SHANK1: variants seen among roughly 807,000 people sequenced by gnomAD.
SHANK1 encodes the protein SH3 and multiple ankyrin repeat domains 1.
A neutral mutation model predicts 165.6 loss-of-function variants in SHANK1; 35 were observed. That is an observed-to-expected ratio of 0.21 (90% CI 0.16 to 0.28). SHANK1 has a LOEUF of 0.28. Among genes scored for constraint, SHANK1 ranks in the 10% least tolerant of loss-of-function variants. The pLI is 1.00. For missense variants in SHANK1, 2,681 were observed against 3,036.4 expected, an observed-to-expected ratio of 0.88 and a Z score of 2.75; for synonymous variants, 1,428 against 1,384.8, an observed-to-expected ratio of 1.03 and a Z score of -0.69.
In SHANK1 at chr19:50,686,980, A is replaced by G. The variant is rs1986363562; in HGVS notation, c.2390-168T>C. 7.1e-7 allele frequency: 1 copy of G among 1,408,504 alleles called. No homozygotes were observed. 87.3% of individuals were successfully genotyped at this position (1,408,504 alleles called of 1,614,324 possible). ...GGGCGAGTCCGCCGGCGGGGTCGGG[A>G]GACGGGGGCCCTCCCGCCAGTCCTG... On this transcript the variant is annotated intron_variant, in intron 19 of 23. Transcript: ENST00000293441. The surrounding 1 kb of genome is among the most constrained non-coding windows in gnomAD (Gnocchi z 5.7).
rs2089034702 is a variant in SHANK1 at position 50,713,603 on chromosome 19, C to A, written c.792+195G>T. On this transcript the variant is annotated intron_variant, in intron 6 of 23. Coordinates refer to ENST00000293441, the MANE Select transcript of SHANK1 (RefSeq NM_016148.5). This position sits in a 1 kb window ranked among gnomAD's most constrained non-coding sequence, Gnocchi z 6.2. ...CGGGTCTGTGTGATGTCAGCTATAG[C>A]CCAGGTGGGTGCATCTGGGGGGCCT... Among the ~76,000 whole-genome samples the A allele has an allele frequency of 6.6e-6, 1 of 151,978 alleles. No homozygotes were observed. The highest frequency in any genetic ancestry group is 1.5e-5 in the Non-Finnish European group (1 of 68,004).
rs147231823 is a variant in SHANK1, at chr19:50,683,124, G to A, written c.2577+3113C>T. Among the ~76,000 whole-genome samples the A allele has an allele frequency of 3.1e-3, 476 of 152,226 alleles. 1 individual carries two copies. Among genetic ancestry groups the A allele is most frequent in the African/African-American group, 0.011 (458 of 41,538 alleles). On this transcript the variant is annotated intron_variant, in intron 21 of 23. Transcript: ENST00000293441. ...TGGGATTATAGGTGTGAGCCCCTGC[G>A]CCCGGCCCTGAAAATCTTTTAACCT...
In SHANK1 at chr19:50,713,883, C is replaced by T; in HGVS notation, c.707G>A (p.Gly236Asp). 2 of 1,613,978 alleles carry T rather than the reference C, an allele frequency of 1.2e-6. No individual in the cohort carries two copies. Among genetic ancestry groups the T allele is most frequent in the Non-Finnish European group, 1.7e-6 (2 of 1,179,974 alleles). ...SVEVIRTLCL[G>D]GAHIDFRARD... ...GGCCCGGAAGTCAATGTGGGCCCCG[C>T]CCAGGCACAGGGTTCGAATCACCTC... Residue 236 changes from glycine to aspartate, a missense_variant, in exon 6 of 24, where the codon GGC (glycine) becomes GAC (aspartate). Gly to Asp is a moderately conservative substitution (Grantham distance 94). Transcript: ENST00000293441. This position sits in a 1 kb window ranked among gnomAD's most constrained non-coding sequence, Gnocchi z 6.2.
rs1460064635 is a variant in SHANK1 at position 50,661,215 on chromosome 19, G to T, written c.*750C>A. 6.6e-6 allele frequency among the ~76,000 whole-genome samples: 1 copy of T among 152,048 alleles called. No homozygotes were observed. Among genetic ancestry groups the T allele is most frequent in the Non-Finnish European group, 1.5e-5 (1 of 68,002 alleles). On this transcript the variant is annotated 3_prime_UTR_variant, in exon 24 of 24. Coordinates refer to ENST00000293441, the MANE Select transcript of SHANK1 (RefSeq NM_016148.5). The stretch of plus-strand genomic sequence containing the variant: ...GGTCCAGAGCGAGCGGGGAGGAGGA[G>T]ATGTGAAATGGAGTGTGTAAAGGAG...
At chr19:50,701,189 A>G (rs1408901702) in intron 12 of SHANK1, among the ~76,000 whole-genome samples, 1 of 127,956 alleles carries the variant, frequency 7.8e-6, no homozygotes, top group African/African-American at 3.0e-5. Flanking sequence ...TAGGAAAATG[A>G]TGGCTTTTTT....
rs764166330 is a variant in SHANK1, at chr19:50,688,072, AC to A, written c.2173-15del. ...CTGCCCGTTCACCTGTGGCACAGACACCCCCAGATCACACAGAGTAGACGAG... is the reference window on the plus strand; with the variant it reads ...CTGCCCGTTCACCTGTGGCACAGACACCCCAGATCACACAGAGTAGACGAG... On this transcript the variant is annotated splice_polypyrimidine_tract_variant and intron_variant, in intron 17 of 23. Coordinates refer to ENST00000293441, the MANE Select transcript of SHANK1 (RefSeq NM_016148.5). This position sits in a 1 kb window ranked among gnomAD's most constrained non-coding sequence, Gnocchi z 6.7. The A allele has an allele frequency of 6.2e-7, 1 of 1,613,062 alleles. No individual in the cohort carries two copies.
Position 50,697,234 on chromosome 19 carries a change from G to C in SHANK1, c.1938-112C>G. On this transcript the variant is annotated intron_variant, in intron 14 of 23. Coordinates refer to ENST00000293441, the MANE Select transcript of SHANK1 (RefSeq NM_016148.5). This position sits in a 1 kb window ranked among gnomAD's most constrained non-coding sequence, Gnocchi z 4.7. ...GCACCCTCCCCACACCGGTGCATGG[G>C]ACACACACATTCCCACTGCACATGA... The C allele has an allele frequency of 6.9e-7, 1 of 1,457,992 alleles. No homozygotes were observed. The highest frequency in any genetic ancestry group is 9.6e-7 in the Non-Finnish European group (1 of 1,041,482). The allele number at this position is 1,457,992 out of a possible 1,614,324, so 90.3% of individuals were successfully genotyped here.
At position 50,704,133 on chromosome 19, in the gene SHANK1, T is replaced by C. The variant is rs1275335664; in HGVS notation, c.1209A>G (p.Arg403=). 3.1e-6 allele frequency: 5 copies of C among 1,613,634 alleles called. No individual in the cohort carries two copies. Among genetic ancestry groups the C allele is most frequent in the Middle Eastern group, 1.6e-4 (1 of 6,062 alleles). ...FELGELIRNH[R]EQDVVPFQES... ...CCTGTCACTCACCCACATCCTGTTC[T>C]CGGTGGTTTCGGATCAGCTCCCCCA... The change falls in exon 10 of 24, where the codon CGA becomes CGG. Residue 403 remains arginine, a synonymous_variant. Coordinates refer to ENST00000293441, the MANE Select transcript of SHANK1 (RefSeq NM_016148.5).
chr19:50,704,076 A>T (rs765621855), intron 10 of SHANK1, 44 bp downstream of exon 10: 1 of 1,598,886 alleles, frequency 6.3e-7, no homozygotes, highest in South Asian at 1.1e-5. Flanking sequence ...TGAAACCTCA[A>T]CCGCCCCAGG....
Position 50,686,649 on chromosome 19 carries a change from G to A in SHANK1, c.2458+95C>T. 1 of 1,212,016 alleles carries A rather than the reference G, an allele frequency of 8.3e-7. No individual in the cohort carries two copies. Among genetic ancestry groups the A allele is most frequent in the South Asian group, 1.3e-5 (1 of 77,358 alleles). 75.1% of individuals were successfully genotyped at this position (1,212,016 alleles called of 1,614,324 possible). On this transcript the variant is annotated intron_variant, in intron 20 of 23. Coordinates refer to ENST00000293441, the MANE Select transcript of SHANK1 (RefSeq NM_016148.5). This position sits in a 1 kb window ranked among gnomAD's most constrained non-coding sequence, Gnocchi z 5.7. ...ATCGCAGCCTCTCTGGGGCAGGAAGGTGAGGGGCGCCGTGGGGTTCATGGT... is the reference window on the plus strand; with the variant it reads ...ATCGCAGCCTCTCTGGGGCAGGAAGATGAGGGGCGCCGTGGGGTTCATGGT...
At position 50,667,001 on chromosome 19, in the gene SHANK1, T is replaced by C; in HGVS notation, c.4959A>G (p.Pro1653=). Residue 1653 remains proline, a synonymous_variant, in exon 23 of 24, where the codon CCA becomes CCG. Coordinates refer to ENST00000293441, the MANE Select transcript of SHANK1 (RefSeq NM_016148.5). This position sits in a 1 kb window ranked among gnomAD's most constrained non-coding sequence, Gnocchi z 5.7. ...GTGGGGCAGCGGGAGCCGGTGCTGCTGGGGCAGGCGGGCCTGGTGGATGGG... is the reference window on the plus strand; with the variant it reads ...GTGGGGCAGCGGGAGCCGGTGCTGCCGGGGCAGGCGGGCCTGGTGGATGGG... ...GDPHPPGPPA[P]AAPAPAAPQP... The C allele has an allele frequency of 6.4e-7, 1 of 1,566,712 alleles. No homozygotes were observed. The highest frequency in any genetic ancestry group is 8.6e-7 in the Non-Finnish European group (1 of 1,157,518).
Position 50,702,543 on chromosome 19 carries a change from G to A in SHANK1, c.1671C>T (p.Arg557=). 1.9e-6 allele frequency: 3 copies of A among 1,613,340 alleles called. No homozygotes were observed. The highest frequency in any genetic ancestry group is 1.1e-5 in the South Asian group (1 of 91,040). Reference sequence around the variant, plus strand: ...GGTAGGACTTCACAGCCATGAAGGAGCGTCCGGGTACCGCTGAGTAGAGCT... The same window carrying A: ...GGTAGGACTTCACAGCCATGAAGGAACGTCCGGGTACCGCTGAGTAGAGCT... ...RRKLYSAVPG[R]SFMAVKSYQA... The change falls in exon 12 of 24, where the codon CGC becomes CGT. Residue 557 remains arginine (R), a synonymous_variant. Coordinates refer to ENST00000293441, the MANE Select transcript of SHANK1 (RefSeq NM_016148.5). This position sits in a 1 kb window ranked among gnomAD's most constrained non-coding sequence, Gnocchi z 5.3.
At chr19:50,689,152 G>A (rs1346248485) in intron 16 of SHANK1, 45 bp downstream of exon 16, 8 of 1,473,418 alleles carry the variant, frequency 5.4e-6, no homozygotes, top group Non-Finnish European at 6.6e-6. Flanking sequence ...CCTGCTTCTG[G>A]GGTCACAGAG....
chr19:50,673,327 C>T (rs914000277), intron 21 of SHANK1, among the ~76,000 whole-genome samples: 1 of 152,050 alleles, frequency 6.6e-6, no homozygotes, highest in African/African-American at 2.4e-5. Flanking sequence ...GTCCTGCAGG[C>T]GGGACCCAGC....
At chr19:50,694,675 C>A (rs1434499755) in intron 15 of SHANK1, among the ~76,000 whole-genome samples, 1 of 135,666 alleles carries the variant, frequency 7.4e-6, no homozygotes, top group Admixed American at 7.7e-5. Flanking sequence ...GGGGGAGGGT[C>A]GGGGAGAGGA....
At chr19:50,665,457 C>G (rs2123067759) in intron 23 of SHANK1, among the ~76,000 whole-genome samples, 1 of 149,364 alleles carries the variant, frequency 6.7e-6, no homozygotes, top group Admixed American at 6.7e-5. Context: ...ATCGCAGCTA[C>G]TCAGGAGGCT....
chr19:50,692,704 T>G (rs1986579171), intron 15 of SHANK1, among the ~76,000 whole-genome samples: 3 of 151,540 alleles, frequency 2.0e-5, no homozygotes, highest in African/African-American at 4.9e-5. Flanking sequence ...CACAGCTCCA[T>G]GTACCTCTAA....
chr19:50,715,552 G>A, intron 4 of SHANK1, 107 bp downstream of exon 4: 1 of 1,011,128 alleles, frequency 9.9e-7, no homozygotes, highest in Non-Finnish European at 1.6e-6. Context: ...TCGCTGGCTT[G>A]GGGAATGTGG....
At chr19:50,676,316 TAAG>T (rs1002214417) in intron 21 of SHANK1, among the ~76,000 whole-genome samples, 3 of 151,764 alleles carry the variant, frequency 2.0e-5, no homozygotes, top group Non-Finnish European at 4.4e-5. Context: ...ATAAATAAAA[TAAG>T]GAGGTCAAGG....
Sources: allele counts gnomAD v4.1 joint callset (sites outside exome capture counted in the v4.1 genomes callset), GRCh38; gene constraint gnomAD v4.1.1; non-coding constraint Gnocchi (gnomAD v3.1); transcripts MANE v1.5; gene names NCBI Gene and HGNC (gene_info 2026-07-23, HGNC 2026-07-21).